Variants in GABRG1 observed in about 807,000 individuals in gnomAD.
The protein encoded by GABRG1 is gamma-aminobutyric acid receptor subunit gamma-1.
GABRG1 carries 49 observed loss-of-function variants against 49.8 expected under a neutral mutation model. That is an observed-to-expected ratio of 0.98 (90% confidence interval 0.78 to 1.25). The LOEUF is 1.25. Among genes scored for constraint, GABRG1 ranks in the 50% most tolerant of loss-of-function variants. The pLI, the probability that GABRG1 is intolerant of heterozygous loss-of-function variation, is 0.00. For missense variants in GABRG1, 552 were observed against 552.3 expected (o/e 1.00, Z 0.01); for synonymous variants, 232 against 185.1 (o/e 1.25, Z -2.06).
At chr4:46,085,235 A>G (rs7680193) in intron 2 of GABRG1, among the ~76,000 whole-genome samples, 8,971 of 151,558 alleles carry the variant, frequency 0.059, 458 homozygotes, top group African/African-American at 0.13. Context: ...TACATTTACA[A>G]TGTCAGAGGT....
intron 2 of GABRG1, among the ~76,000 whole-genome samples, chr4:46,087,164 T>A (rs1452270259): frequency 6.6e-6 from 1 of 151,110 alleles, no homozygotes; most frequent in Non-Finnish European, 1.5e-5. Context: ...CCTTTCTCTA[T>A]TTTTTTTAAA....
At chr4:46,064,128 C>A (rs932053457) in intron 5 of GABRG1, among the ~76,000 whole-genome samples, 5 of 151,990 alleles carry the variant, frequency 3.3e-5, no homozygotes, top group Non-Finnish European at 5.9e-5. Context: ...TTCTTGGGGA[C>A]TGTGTAAAAA....
intron 2 of GABRG1, among the ~76,000 whole-genome samples, 196 bp downstream of exon 2, chr4:46,097,005 A>T (rs745711495): frequency 3.6e-4 from 55 of 151,532 alleles, no homozygotes; most frequent in African/African-American, 8.5e-4. Flanking sequence ...AATTACATTA[A>T]TTTTTTTTCT....
At chr4:46,122,221 A>C (rs1721106945) in intron 1 of GABRG1, among the ~76,000 whole-genome samples, 1 of 152,072 alleles carries the variant, frequency 6.6e-6, no homozygotes, top group South Asian at 2.1e-4. Flanking sequence ...AATATTCCCC[A>C]AAACAAAACA....
intron 3 of GABRG1, among the ~76,000 whole-genome samples, chr4:46,074,902 G>T (rs1719267540): frequency 1.3e-5 from 2 of 151,962 alleles, no homozygotes; most frequent in African/African-American, 4.8e-5. Flanking sequence ...TGGATGGAAT[G>T]GGAAAATTTT....
rs549312451 is a variant in GABRG1 at position 46,092,065 on chromosome 4, T to C, written c.253+5136A>G. Among the ~76,000 whole-genome samples, 27 of 152,084 alleles carry C rather than the reference T, an allele frequency of 1.8e-4. No individual in the cohort carries two copies. The South Asian group carries it at 5.4e-3, about 30-fold the overall frequency. On this transcript the variant is annotated intron_variant, in intron 2 of 8. Coordinates refer to ENST00000295452, the MANE Select transcript of GABRG1 (RefSeq NM_173536.4). ...GGAAATAACAGGGTTTCCATATCGA[T>C]TGGAAATATTCAAAATGAAGGCAAT...
At chr4:46,111,854 AG>A in intron 1 of GABRG1, among the ~76,000 whole-genome samples, 1 of 151,310 alleles carries the variant, frequency 6.6e-6, no homozygotes, top group Admixed American at 6.6e-5. Flanking sequence ...GATAGATTAA[AG>A]GTTTAAATGT....
rs114166038 is a variant in GABRG1, at chr4:46,106,162, A to G, written c.105-8813T>C. 7.3e-3 allele frequency among the ~76,000 whole-genome samples: 1,112 copies of G among 151,532 alleles called. 17 individuals are homozygous for G. The highest frequency in any genetic ancestry group is 0.026 in the African/African-American group (1,062 of 41,448). On this transcript the variant is annotated intron_variant, in intron 1 of 8. Transcript: ENST00000295452. The stretch of plus-strand genomic sequence containing the variant: ...AGAATAGGGTAGACACCTGAGCCCC[A>G]AAAGGTTAGCCAGACTTTCATTCCT...
At position 46,037,425 on chromosome 4, in the gene GABRG1, C is replaced by T. The variant is rs1001798404; in HGVS notation, c.*3563G>A. The T allele has an allele frequency of 6.6e-5, 10 of 151,772 alleles. No homozygotes were observed. Among genetic ancestry groups the T allele is most frequent in the African/African-American group, 2.2e-4 (9 of 41,474 alleles). The allele number at this position is 151,772 out of a possible 1,614,324, so 9.4% of individuals were successfully genotyped here. ...GTAAAAAGCAATAAAGAATGACCAA[C>T]AAAAATGGAAATACCAAGTATGTCT... On this transcript the variant is annotated 3_prime_UTR_variant, in exon 9 of 9. Transcript: ENST00000295452.
chr4:46,048,900 A>C (rs931482948), intron 8 of GABRG1, among the ~76,000 whole-genome samples: 7 of 151,882 alleles, frequency 4.6e-5, no homozygotes, highest in Non-Finnish European at 7.4e-5. Context: ...TCCAAAAAAA[A>C]CTGAACATTT....
intron 2 of GABRG1, among the ~76,000 whole-genome samples, 176 bp downstream of exon 2, chr4:46,097,025 T>G (rs1483195569): frequency 6.6e-6 from 1 of 151,674 alleles, no homozygotes; most frequent in Non-Finnish European, 1.5e-5. Context: ...TTTTTTCTTA[T>G]TTCAGACTGT....
intron 1 of GABRG1, among the ~76,000 whole-genome samples, chr4:46,102,971 T>C (rs960092417): frequency 6.6e-6 from 1 of 151,492 alleles, no homozygotes; most frequent in African/African-American, 2.4e-5. Flanking sequence ...TTCATTGAGG[T>C]TTGCCAAGGA....
intron 5 of GABRG1, among the ~76,000 whole-genome samples, chr4:46,060,411 G>A (rs553403413): frequency 2.6e-5 from 4 of 152,170 alleles, no homozygotes; most frequent in Middle Eastern, 6.8e-3. Context: ...AAATTACCAC[G>A]TTTTGTCAAT....
At chr4:46,043,844 G>T (rs1448282677) in intron 8 of GABRG1, among the ~76,000 whole-genome samples, 1 of 151,608 alleles carries the variant, frequency 6.6e-6, no homozygotes, top group Non-Finnish European at 1.5e-5. Context: ...TCTCTGTCTA[G>T]TTATATACTA....
At chr4:46,123,183 T>G (rs1477665282) in intron 1 of GABRG1, among the ~76,000 whole-genome samples, 1 of 146,194 alleles carries the variant, frequency 6.8e-6, no homozygotes. Context: ...TTTTAATTAC[T>G]GATGGACAGC....
At chr4:46,082,216 CTATT>C (rs1470386275) in intron 3 of GABRG1, among the ~76,000 whole-genome samples, 2 of 151,742 alleles carry the variant, frequency 1.3e-5, no homozygotes, top group Non-Finnish European at 2.9e-5. Flanking sequence ...TAATAAAACA[CTATT>C]TATTCTATGT....
intron 1 of GABRG1, among the ~76,000 whole-genome samples, chr4:46,108,583 G>A (rs1381186501): frequency 6.6e-6 from 1 of 150,750 alleles, no homozygotes; most frequent in Non-Finnish European, 1.5e-5. Flanking sequence ...CACGAGTGTG[G>A]AGTCCTTTAC....
chr4:46,122,268 A>T (rs868840960), intron 1 of GABRG1, among the ~76,000 whole-genome samples: 3 of 152,128 alleles, frequency 2.0e-5, no homozygotes, highest in Non-Finnish European at 4.4e-5. Flanking sequence ...GGGATAGATA[A>T]TATGCTCTTT....
Position 46,113,732 on chromosome 4 carries a change from C to CTCTA in GABRG1, c.104+10074_104+10077dup, listed in dbSNP as rs1451003844. ...TCCAAAATGGTAGAAGGTGTTTTAT[C>CTCTA]TCTAGTTCATGGACATATCACAAGT... On this transcript the variant is annotated intron_variant, in intron 1 of 8. Transcript: ENST00000295452. Among the ~76,000 whole-genome samples the CTCTA allele has an allele frequency of 4.0e-5, 6 of 151,218 alleles. No individual in the cohort carries two copies. In the East Asian group the frequency reaches 7.8e-4, roughly 20 times the overall value.
Sources: gnomAD v4.1 joint callset for allele counts (sites outside exome capture counted in the v4.1 genomes callset) on GRCh38, gnomAD v4.1.1 for gene constraint, MANE v1.5 for transcripts, NCBI Gene and HGNC (gene_info 2026-07-23, HGNC 2026-07-21) for gene names.